MYO1B: variants seen among roughly 807,000 people sequenced by gnomAD.
MYO1B encodes the protein unconventional myosin-Ib.
In MYO1B, 72 loss-of-function variants were observed where a neutral mutation model predicts 159.7. The ratio of observed to expected loss-of-function variants is 0.45; its 90% CI spans 0.37 to 0.55. MYO1B has a LOEUF of 0.55. Among genes scored for constraint, MYO1B ranks in the 20% least tolerant of loss-of-function variants. The probability of loss-of-function intolerance (pLI) is 0.00; values close to 1 mark genes in which losing one functional copy is unlikely to be tolerated. For synonymous variants in MYO1B, 468 were observed against 473.8 expected (o/e 0.99, Z 0.16); for missense variants, 1,062 against 1,364.8 (o/e 0.78, Z 3.50).
chr2:191,421,139 G>A (rs548642881), intron 30 of MYO1B, among the ~76,000 whole-genome samples: 2 of 150,332 alleles, frequency 1.3e-5, no homozygotes, highest in South Asian at 2.1e-4. Context: ...GCGAGATCTC[G>A]GCTCACTGCA....
At chr2:191,367,849 GACTA>G (rs1694106329) in intron 11 of MYO1B, among the ~76,000 whole-genome samples, 1 of 152,182 alleles carries the variant, frequency 6.6e-6, no homozygotes, top group Non-Finnish European at 1.5e-5. Context: ...TACATCTATA[GACTA>G]ACTGTGTGCT....
At chr2:191,396,527 T>C in intron 21 of MYO1B, 30 bp downstream of exon 21, 1 of 1,611,410 alleles carries the variant, frequency 6.2e-7, no homozygotes, top group Non-Finnish European at 8.5e-7. Context: ...GCTTTATTTA[T>C]TTTGGGTTTT....
chr2:191,390,733 G>A (rs577733555), intron 18 of MYO1B, among the ~76,000 whole-genome samples: 3 of 152,312 alleles, frequency 2.0e-5, no homozygotes, highest in East Asian at 1.9e-4. Context: ...AGGTAGGTTC[G>A]TAGGAGGTGG....
At chr2:191,375,886 G>A (rs1559213502) in intron 13 of MYO1B, among the ~76,000 whole-genome samples, 1 of 151,542 alleles carries the variant, frequency 6.6e-6, no homozygotes, top group Admixed American at 6.6e-5. Flanking sequence ...TTGAACCCGG[G>A]AGACGGAGGT....
In MYO1B at chr2:191,419,923, G is replaced by A. The variant is rs547785408; in HGVS notation, c.3287+3681G>A. Among the ~76,000 whole-genome samples, 8 of 152,138 alleles carry A rather than the reference G, an allele frequency of 5.3e-5. No individual in the cohort carries two copies. In the South Asian group the frequency reaches 1.4e-3, roughly 28 times the overall value. On this transcript the variant is annotated intron_variant, in intron 30 of 30. Transcript: ENST00000392318. ...ATTACAAAAGAGCCAAAAAACAGCC[G>A]GGCCCAGTGGCTCACGCCTGTAATC...
At chr2:191,404,652 A>G (rs559139696) in intron 24 of MYO1B, among the ~76,000 whole-genome samples, 1 of 152,384 alleles carries the variant, frequency 6.6e-6, no homozygotes, top group South Asian at 2.1e-4. Context: ...GAATATCACA[A>G]TAAAGTGAAT....
chr2:191,288,149 A>G (rs1177181894), intron 2 of MYO1B, among the ~76,000 whole-genome samples: 1 of 151,964 alleles, frequency 6.6e-6, no homozygotes, highest in Non-Finnish European at 1.5e-5. Flanking sequence ...GGTATAGTGA[A>G]TAATGCTGCT....
intron 9 of MYO1B, among the ~76,000 whole-genome samples, 174 bp downstream of exon 9, chr2:191,362,545 A>G (rs903464324): frequency 1.1e-4 from 16 of 152,216 alleles, no homozygotes; most frequent in Non-Finnish European, 2.2e-4. Context: ...CAAAAATCAC[A>G]CAAGATTGTG....
intron 28 of MYO1B, 116 bp from the exon 29 acceptor site, chr2:191,414,401 A>G (rs1574647705): frequency 1.8e-6 from 2 of 1,098,416 alleles, no homozygotes. Context: ...TTCTTGGTTT[A>G]CATAGGTATG....
chr2:191,272,899 T>A (rs1687540096), intron 1 of MYO1B, among the ~76,000 whole-genome samples: 1 of 152,180 alleles, frequency 6.6e-6, no homozygotes, highest in East Asian at 1.9e-4. Context: ...GGTGTATTAT[T>A]TAGAACACTT....
In MYO1B at chr2:191,411,063, C is replaced by T. The variant is rs780761400; in HGVS notation, c.2767-3C>T. The stretch of plus-strand genomic sequence containing the variant: ...TTTGTTTCTTTCTTCTCATATCTCA[C>T]AGTGTAAAAAATACAGGGACCAATT... On this transcript the variant is annotated splice_region_variant and splice_polypyrimidine_tract_variant and intron_variant, in intron 26 of 30. Coordinates refer to ENST00000392318, the MANE Select transcript of MYO1B (RefSeq NM_001130158.3). 3.9e-6 allele frequency: 6 copies of T among 1,547,530 alleles called. No homozygotes were observed. The Admixed American group carries it at 1.1e-4, about 28-fold the overall frequency.
At chr2:191,276,695 G>A (rs1313690509) in intron 1 of MYO1B, among the ~76,000 whole-genome samples, 192 bp from the exon 2 acceptor site, 1 of 152,170 alleles carries the variant, frequency 6.6e-6, no homozygotes, top group South Asian at 2.1e-4. Context: ...GTGGCAGCAG[G>A]TTGGCAAATG....
chr2:191,411,193 C>G, intron 27 of MYO1B, 21 bp downstream of exon 27: 1 of 1,450,934 alleles, frequency 6.9e-7, no homozygotes, highest in South Asian at 1.3e-5. Flanking sequence ...TTTGCTTTAC[C>G]CATAAAATTC....
At chr2:191,291,494 C>CT (rs891633922) in intron 2 of MYO1B, among the ~76,000 whole-genome samples, 5 of 152,190 alleles carry the variant, frequency 3.3e-5, no homozygotes, top group African/African-American at 1.2e-4. Flanking sequence ...TCCCACATCT[C>CT]TTTCCTTTCT....
intron 11 of MYO1B, among the ~76,000 whole-genome samples, chr2:191,367,563 T>G (rs1264765889): frequency 6.6e-6 from 1 of 152,178 alleles, no homozygotes; most frequent in Non-Finnish European, 1.5e-5. Flanking sequence ...GTGAATACAC[T>G]TTAAAAAATA....
At chr2:191,404,949 T>C (rs1326337109) in intron 24 of MYO1B, among the ~76,000 whole-genome samples, 2 of 152,176 alleles carry the variant, frequency 1.3e-5, no homozygotes, top group Non-Finnish European at 2.9e-5. Context: ...AAGATAACAA[T>C]GAAATTTGCC....
intron 4 of MYO1B, among the ~76,000 whole-genome samples, chr2:191,335,589 G>GT (rs1329478453): frequency 6.6e-6 from 1 of 152,142 alleles, no homozygotes; most frequent in Non-Finnish European, 1.5e-5. Flanking sequence ...CACTAAAATT[G>GT]TTTTTGTGTA....
chr2:191,294,678 G>A (rs1177215838), intron 2 of MYO1B, among the ~76,000 whole-genome samples: 1 of 148,160 alleles, frequency 6.7e-6, no homozygotes, highest in East Asian at 1.9e-4. Flanking sequence ...AGAAATAAAT[G>A]TGAAAAATTG....
At chr2:191,339,231 C>G (rs1208643333) in intron 4 of MYO1B, among the ~76,000 whole-genome samples, 2 of 152,126 alleles carry the variant, frequency 1.3e-5, no homozygotes, top group Admixed American at 1.3e-4. Context: ...AATTGAAAGG[C>G]AGAGAGCCTA....
Sources: gnomAD v4.1 joint callset for allele counts (sites outside exome capture counted in the v4.1 genomes callset) on GRCh38, gnomAD v4.1.1 for gene constraint, MANE v1.5 for transcripts, NCBI Gene and HGNC (gene_info 2026-07-23, HGNC 2026-07-21) for gene names.